The following SPTBN1 variants were observed in gnomAD, a reference collection of about 807,000 sequenced individuals.
SPTBN1 encodes spectrin beta, non-erythrocytic 1, also known as spectrin beta chain, non-erythrocytic 1.
Under a neutral mutation model 266.4 loss-of-function variants are expected in SPTBN1, and 32 were observed. That is an observed-to-expected ratio of 0.12 (90% CI 0.09 to 0.16). The LOEUF is 0.16. Among genes scored for constraint, SPTBN1 ranks in the 10% least tolerant of loss-of-function variants. SPTBN1 has a pLI of 1.00. For missense variants in SPTBN1, 2,296 were observed against 3,067.1 expected, an observed-to-expected ratio of 0.75 and a Z score of 5.94; for synonymous variants, 1,336 against 1,162.2, an observed-to-expected ratio of 1.15 and a Z score of -3.04.
intron 1 of SPTBN1, among the ~76,000 whole-genome samples, chr2:54,475,888 C>A (rs1210265032): frequency 6.6e-6 from 1 of 152,136 alleles, no homozygotes; most frequent in Non-Finnish European, 1.5e-5. Flanking sequence ...TTAGTCCATA[C>A]CAGAGTGTTT....
chr2:54,645,860 A>G lies in SPTBN1; in HGVS notation c.4495-68A>G, dbSNP rs900899471. On this transcript the variant is annotated intron_variant, in intron 21 of 35. Coordinates refer to ENST00000356805, the MANE Select transcript of SPTBN1 (RefSeq NM_003128.3). The surrounding 1 kb of genome is among the most constrained non-coding windows in gnomAD (Gnocchi z 4.3). ...CCCTTGCTGTCCCTCACTGCCCCTC[A>G]CTGCTCGTTTGTGTCGTATATTTGT... The G allele has an allele frequency of 3.8e-6, 6 of 1,559,924 alleles. No individual in the cohort carries two copies. Among genetic ancestry groups the G allele is most frequent in the South Asian group, 1.1e-5 (1 of 89,530 alleles).
intron 1 of SPTBN1, among the ~76,000 whole-genome samples, chr2:54,478,677 C>G (rs571332686): frequency 6.6e-6 from 1 of 152,254 alleles, no homozygotes; most frequent in South Asian, 2.1e-4. Flanking sequence ...TGTGCTGAAC[C>G]TTGAAAGGCA....
At chr2:54,627,921 A>G (rs1050743603) in intron 12 of SPTBN1, among the ~76,000 whole-genome samples, 176 bp from the exon 13 acceptor site, 2 of 151,958 alleles carry the variant, frequency 1.3e-5, no homozygotes, top group Non-Finnish European at 2.9e-5. Context: ...GCCTTCAGGT[A>G]TGATTTGTTT....
intron 2 of SPTBN1, among the ~76,000 whole-genome samples, chr2:54,595,640 T>C (rs74811704): frequency 0.027 from 4,047 of 152,302 alleles, 180 homozygotes; most frequent in African/African-American, 0.09. Flanking sequence ...AGGCCGGCCA[T>C]TTCTGCTGCC....
intron 1 of SPTBN1, among the ~76,000 whole-genome samples, chr2:54,497,241 T>G (rs1016941166): frequency 6.6e-6 from 1 of 152,202 alleles, no homozygotes; most frequent in African/African-American, 2.4e-5. Flanking sequence ...AATGCCTGGC[T>G]TAAAAGAAGA....
At chr2:54,661,560 T>C (rs773408174) in intron 32 of SPTBN1, 384 of 985,904 alleles carry the variant, frequency 3.9e-4, no homozygotes, top group Admixed American at 1.9e-3. Context: ...AAGCTTCTTA[T>C]GTTCTGGGGG....
chr2:54,667,478 T>C (rs1482371903), intron 34 of SPTBN1, 126 bp from the exon 35 acceptor site: 6 of 822,100 alleles, frequency 7.3e-6, no homozygotes, highest in Non-Finnish European at 9.8e-6. Context: ...GGTGGTGACA[T>C]ATGTAGGTTG....
Position 54,653,590 on chromosome 2 carries a change from C to T in SPTBN1, c.5578-19C>T, listed in dbSNP as rs764702887. Reference sequence around the variant, plus strand: ...GCCGCCATGGGCTGACCTGGCTCATCCCCTACATGGCTTCACAGGTGAGGC... The same window carrying T: ...GCCGCCATGGGCTGACCTGGCTCATTCCCTACATGGCTTCACAGGTGAGGC... On this transcript the variant is annotated intron_variant, in intron 26 of 35. Transcript: ENST00000356805. This position sits in a 1 kb window ranked among gnomAD's most constrained non-coding sequence, Gnocchi z 5.1. The T allele has an allele frequency of 3.1e-6, 5 of 1,611,192 alleles. No individual in the cohort carries two copies. The highest frequency in any genetic ancestry group is 4.2e-6 in the Non-Finnish European group (5 of 1,179,324).
At chr2:54,665,724 A>G (rs1291342064) in intron 33 of SPTBN1, among the ~76,000 whole-genome samples, 191 bp from the exon 34 acceptor site, 1 of 152,204 alleles carries the variant, frequency 6.6e-6, no homozygotes, top group Non-Finnish European at 1.5e-5. Flanking sequence ...TGAACTCTCC[A>G]TGGAGGAATT....
Position 54,629,675 on chromosome 2 carries a change from C to T in SPTBN1, c.2541C>T (p.Asp847=), listed in dbSNP as rs146076984. The change falls in exon 14 of 36, where the codon GAC becomes GAT. Residue 847 remains aspartate, a synonymous_variant. Coordinates refer to ENST00000356805, the MANE Select transcript of SPTBN1 (RefSeq NM_003128.3). ...GGCTGCGGAAGCAGGCACTCCAGGA[C>T]ACTCTGGCCCTGTACAAGATGTTCA... ...LTRLRKQALQ[D]TLALYKMFSE... is the part of the protein sequence containing the mutation. 3 of 1,613,736 alleles carry T rather than the reference C, an allele frequency of 1.9e-6. No homozygotes were observed. Among genetic ancestry groups the T allele is most frequent in the African/African-American group, 2.7e-5 (2 of 74,940 alleles).
At position 54,657,834 on chromosome 2, in the gene SPTBN1, A is replaced by T; in HGVS notation, c.6047-16A>T. Reference sequence around the variant, plus strand: ...CCTCCTGGTCAACGTGTACTAACTCATGGTACCCTGTGCAGTTCTGGAGGT... The same window carrying T: ...CCTCCTGGTCAACGTGTACTAACTCTTGGTACCCTGTGCAGTTCTGGAGGT... On this transcript the variant is annotated splice_polypyrimidine_tract_variant and intron_variant, in intron 29 of 35. Transcript: ENST00000356805. 6.2e-7 allele frequency: 1 copy of T among 1,613,880 alleles called. No homozygotes were observed. Among genetic ancestry groups the T allele is most frequent in the Non-Finnish European group, 8.5e-7 (1 of 1,179,908 alleles).
chr2:54,553,019 G>C (rs1672668245), intron 2 of SPTBN1, among the ~76,000 whole-genome samples: 1 of 152,264 alleles, frequency 6.6e-6, no homozygotes, highest in Non-Finnish European at 1.5e-5. Flanking sequence ...AGAAATACCA[G>C]TGTCAAATGT....
Position 54,624,907 on chromosome 2 carries a change from G to T in SPTBN1, c.1286G>T (p.Arg429Leu), listed in dbSNP as rs1481692149. 1 of 1,613,854 alleles carries T rather than the reference G, an allele frequency of 6.2e-7. No individual in the cohort carries two copies. Among genetic ancestry groups the T allele is most frequent in the East Asian group, 2.2e-5 (1 of 44,868 alleles). ...KLEQLARRFD[R>L]KAAMRETWLS... is the part of the protein sequence containing the mutation. ...GAACAGCTCGCCCGCAGATTTGATCGCAAGGCAGCTATGAGGGAGACTTGG... is the reference window on the plus strand; with the variant it reads ...GAACAGCTCGCCCGCAGATTTGATCTCAAGGCAGCTATGAGGGAGACTTGG... Residue 429 changes from arginine to leucine, a missense_variant, in exon 11 of 36, where the codon CGC becomes CTC. Coordinates refer to ENST00000356805, the MANE Select transcript of SPTBN1 (RefSeq NM_003128.3).
chr2:54,656,142 A>T (rs1054863977), intron 29 of SPTBN1, 144 bp downstream of exon 29: 1 of 634,450 alleles, frequency 1.6e-6, no homozygotes, highest in East Asian at 3.3e-5. Flanking sequence ...TCACCATTTC[A>T]TGGTAAATAC....
At chr2:54,473,576 G>C (rs1356440612) in intron 1 of SPTBN1, among the ~76,000 whole-genome samples, 1 of 151,982 alleles carries the variant, frequency 6.6e-6, no homozygotes, top group Non-Finnish European at 1.5e-5. Flanking sequence ...ATTGTATTGA[G>C]GAGAGGTGAA....
intron 3 of SPTBN1, among the ~76,000 whole-genome samples, chr2:54,601,283 T>C (rs1426261521): frequency 6.6e-6 from 1 of 152,190 alleles, no homozygotes; most frequent in African/African-American, 2.4e-5. Flanking sequence ...AATTTTCTTA[T>C]TCCAAAAATA....
At chr2:54,475,236 C>G (rs1457525874) in intron 1 of SPTBN1, among the ~76,000 whole-genome samples, 1 of 152,046 alleles carries the variant, frequency 6.6e-6, no homozygotes, top group Non-Finnish European at 1.5e-5. Context: ...GGATGTATCC[C>G]TTGCAAACGG....
chr2:54,661,871 A>G, intron 32 of SPTBN1: 3 of 985,380 alleles, frequency 3.0e-6, no homozygotes, highest in Non-Finnish European at 3.6e-6. Context: ...TGTTCTTAGC[A>G]TTTGCTATCA....
At chr2:54,473,716 A>G (rs746450044) in intron 1 of SPTBN1, among the ~76,000 whole-genome samples, 6 of 152,214 alleles carry the variant, frequency 3.9e-5, no homozygotes, top group African/African-American at 7.2e-5. Flanking sequence ...ACCTTGCAGG[A>G]GAATTCAGTC....
Sources: gnomAD v4.1 joint callset for allele counts (sites outside exome capture counted in the v4.1 genomes callset) on GRCh38, gnomAD v4.1.1 for gene constraint, Gnocchi (gnomAD v3.1) non-coding constraint, MANE v1.5 for transcripts, NCBI Gene and HGNC (gene_info 2026-07-23, HGNC 2026-07-21) for gene names.